ETV6: variants seen among roughly 807,000 people sequenced by gnomAD.
ETV6 encodes ETS variant transcription factor 6.
ETV6 carries 16 observed loss-of-function variants against 51.1 expected under a neutral mutation model. That is an observed-to-expected ratio of 0.31 (90% confidence interval 0.21 to 0.48). ETV6 has a LOEUF of 0.48. Among genes scored for constraint, ETV6 ranks in the 20% least tolerant of loss-of-function variants. The pLI is 0.99. For missense variants in ETV6, 458 were observed against 594.8 expected (o/e 0.77, Z 2.39); for synonymous variants, 240 against 224.1 (o/e 1.07, Z -0.64).
chr12:11,734,522 A>C (rs1404659028), intron 1 of ETV6, among the ~76,000 whole-genome samples: 3 of 147,250 alleles, frequency 2.0e-5, no homozygotes, highest in African/African-American at 7.9e-5. Flanking sequence ...TGAGCAAAAA[A>C]AAAAAAGAAA....
chr12:11,847,177 T>C (rs1946478970), intron 3 of ETV6, among the ~76,000 whole-genome samples: 1 of 152,158 alleles, frequency 6.6e-6, no homozygotes, highest in Admixed American at 6.5e-5. Context: ...CAGGTCTTGG[T>C]GACCACTTTC....
In ETV6 at chr12:11,895,293, A is replaced by AAC. The variant is rs1484299119; in HGVS notation, c.*4248_*4249insCA. 1 of 232,502 alleles carries AAC rather than the reference A, an allele frequency of 4.3e-6. No homozygotes were observed. Among genetic ancestry groups the AAC allele is most frequent in the Non-Finnish European group, 8.5e-6 (1 of 117,586 alleles). 14.4% of individuals were successfully genotyped at this position (232,502 alleles called of 1,614,324 possible). A position where few individuals can be genotyped will look rare whatever the true frequency, so the allele number is the denominator to read the frequency against. ...TCAAATGAATGTAACAAAAAAGAAA[A>AAC]AAAAAACAAAAAAAAATGCCTTTTC... On this transcript the variant is annotated 3_prime_UTR_variant, in exon 8 of 8. Transcript: ENST00000396373.
chr12:11,735,404 G>C (rs544997310), intron 1 of ETV6, among the ~76,000 whole-genome samples: 1 of 152,278 alleles, frequency 6.6e-6, no homozygotes, highest in South Asian at 2.1e-4. Context: ...TTATTGAATA[G>C]TATGGGGTGA....
chr12:11,883,750 T>G (rs1056647668), intron 5 of ETV6, among the ~76,000 whole-genome samples: 1 of 152,244 alleles, frequency 6.6e-6, no homozygotes, highest in Non-Finnish European at 1.5e-5. Flanking sequence ...ACTTTTGCAC[T>G]GGGTTCCTTT....
intron 1 of ETV6, among the ~76,000 whole-genome samples, chr12:11,739,401 C>T (rs1348320654): frequency 6.6e-6 from 1 of 152,156 alleles, no homozygotes; most frequent in African/African-American, 2.4e-5. Context: ...TGCACATGCT[C>T]GCCACTGGCA....
chr12:11,685,923 G>A (rs190458293), intron 1 of ETV6, among the ~76,000 whole-genome samples: 4 of 152,284 alleles, frequency 2.6e-5, no homozygotes, highest in Admixed American at 1.3e-4. Flanking sequence ...CTAAACATTC[G>A]AAGACGTTAC....
chr12:11,826,338 A>G (rs532543077), intron 2 of ETV6: 1 of 152,370 alleles, frequency 6.6e-6, no homozygotes, highest in African/African-American at 2.4e-5. Flanking sequence ...AAAAACAGAC[A>G]TCGGCCTCTT....
intron 1 of ETV6, among the ~76,000 whole-genome samples, chr12:11,671,745 T>G (rs887371806): frequency 6.6e-6 from 1 of 152,214 alleles, no homozygotes; most frequent in Non-Finnish European, 1.5e-5. Flanking sequence ...ATTGCCATAT[T>G]AGAACTAGAA....
intron 1 of ETV6, among the ~76,000 whole-genome samples, chr12:11,725,878 A>G (rs1020613742): frequency 1.3e-5 from 2 of 152,186 alleles, no homozygotes; most frequent in Non-Finnish European, 2.9e-5. Flanking sequence ...GGTCCTCACC[A>G]GAAGCAGATG....
At chr12:11,683,436 G>T (rs1479573264) in intron 1 of ETV6, among the ~76,000 whole-genome samples, 2 of 152,194 alleles carry the variant, frequency 1.3e-5, no homozygotes, top group Non-Finnish European at 2.9e-5. Flanking sequence ...CTCCATGGTA[G>T]ATAAGACATT....
chr12:11,844,572 A>G (rs1019857968), intron 3 of ETV6, among the ~76,000 whole-genome samples: 2 of 152,196 alleles, frequency 1.3e-5, no homozygotes, highest in African/African-American at 4.8e-5. Context: ...AATTTCTATT[A>G]AGCAATGGTA....
chr12:11,776,934 C>T lies in ETV6; in HGVS notation c.163+24355C>T, dbSNP rs1041465466. ...GGTCATTATGTGGGACTATTATGCA[C>T]TAATTAAAAATCACATTTTTTAGGC... On this transcript the variant is annotated intron_variant, in intron 2 of 7. Coordinates refer to ENST00000396373, the MANE Select transcript of ETV6 (RefSeq NM_001987.5). Among the ~76,000 whole-genome samples the T allele has an allele frequency of 1.1e-4, 16 of 152,276 alleles. No individual in the cohort carries two copies. In the East Asian group the frequency reaches 1.2e-3, roughly 11 times the overall value.
chr12:11,691,958 C>T (rs1591612570), intron 1 of ETV6, among the ~76,000 whole-genome samples: 1 of 152,190 alleles, frequency 6.6e-6, no homozygotes, highest in East Asian at 1.9e-4. Context: ...CTTTGTATTT[C>T]AGTTTGGTGT....
chr12:11,663,148 T>C (rs140629720), intron 1 of ETV6, among the ~76,000 whole-genome samples: 1 of 152,370 alleles, frequency 6.6e-6, no homozygotes, highest in African/African-American at 2.4e-5. Context: ...TTTGTGTGCA[T>C]GAATGGACTA....
intron 2 of ETV6, among the ~76,000 whole-genome samples, chr12:11,795,424 G>C (rs1945661692): frequency 6.6e-6 from 1 of 152,202 alleles, no homozygotes; most frequent in African/African-American, 2.4e-5. Context: ...TCTGGCCTTG[G>C]GGACGATGCA....
At chr12:11,689,161 G>C (rs886911314) in intron 1 of ETV6, among the ~76,000 whole-genome samples, 1 of 152,086 alleles carries the variant, frequency 6.6e-6, no homozygotes, top group Non-Finnish European at 1.5e-5. Flanking sequence ...AGTGTTTACT[G>C]GGAGTATGGA....
chr12:11,730,512 T>C (rs1448792836), intron 1 of ETV6, among the ~76,000 whole-genome samples: 2 of 152,010 alleles, frequency 1.3e-5, no homozygotes, highest in Non-Finnish European at 2.9e-5. Flanking sequence ...GGATTTAGAG[T>C]TCTAAGGACG....
rs569822501 is a variant in ETV6 at position 11,806,030 on chromosome 12, G to T, written c.164-33110G>T. ...TGTCAGGTACTTTTTTCTTTTTATT[G>T]TATCCCATGGGGGAAATGGATGGTA... On this transcript the variant is annotated intron_variant, in intron 2 of 7. Coordinates refer to ENST00000396373, the MANE Select transcript of ETV6 (RefSeq NM_001987.5). 1.5e-3 allele frequency among the ~76,000 whole-genome samples: 225 copies of T among 152,208 alleles called. 1 individual carries two copies. The highest frequency in any genetic ancestry group is 4.7e-3 in the African/African-American group (197 of 41,528).
intron 2 of ETV6, among the ~76,000 whole-genome samples, chr12:11,786,462 G>T (rs1348169130): frequency 6.6e-6 from 1 of 152,036 alleles, no homozygotes; most frequent in East Asian, 1.9e-4. Context: ...ATAATTTGTA[G>T]ATTTAGTCCT....
Sources: allele counts gnomAD v4.1 joint callset (sites outside exome capture counted in the v4.1 genomes callset), GRCh38; gene constraint gnomAD v4.1.1; transcripts MANE v1.5; gene names NCBI Gene and HGNC (gene_info 2026-07-23, HGNC 2026-07-21).